Variants in C8orf34 observed in about 807,000 individuals in gnomAD.
The protein encoded by C8orf34 is uncharacterized protein C8orf34.
C8orf34 carries 65 observed loss-of-function variants against 68.3 expected under a neutral mutation model. That is an observed-to-expected ratio of 0.95 (90% confidence interval 0.78 to 1.17). C8orf34 has a LOEUF of 1.17. C8orf34 is among the 50% of genes most tolerant of loss of function. The pLI is 0.00. For missense variants in C8orf34, 664 were observed against 655.4 expected (o/e 1.01, Z -0.14); for synonymous variants, 244 against 241.2 (o/e 1.01, Z -0.11).
At position 68,385,055 on chromosome 8, in the gene C8orf34, T is replaced by C. The variant is rs78885570; in HGVS notation, c.327+53716T>C. The stretch of plus-strand genomic sequence containing the variant: ...AGTCTCTTGGCTCAGTGTGGTTATA[T>C]CCTTGTGAATGTAAACAACTTGAAT... On this transcript the variant is annotated intron_variant, in intron 1 of 13. Transcript: ENST00000518698. 7.6e-3 allele frequency among the ~76,000 whole-genome samples: 1,153 copies of C among 152,310 alleles called. 19 individuals are homozygous for C. Among genetic ancestry groups the C allele is most frequent in the African/African-American group, 0.024 (1,012 of 41,568 alleles).
intron 7 of C8orf34, among the ~76,000 whole-genome samples, chr8:68,613,443 T>TCCC (rs141908753): frequency 1.6e-4 from 21 of 130,226 alleles, no homozygotes; most frequent in Admixed American, 4.9e-4. Flanking sequence ...TCCCTCCCCC[T>TCCC]CCCCCCACAC....
chr8:68,496,362 G>A (rs933946845), intron 5 of C8orf34, among the ~76,000 whole-genome samples: 1 of 152,308 alleles, frequency 6.6e-6, no homozygotes, highest in African/African-American at 2.4e-5. Flanking sequence ...ATAAGAAAAT[G>A]AAAGCCCAGA....
At chr8:68,517,047 A>G (rs1163542928) in intron 5 of C8orf34, among the ~76,000 whole-genome samples, 1 of 152,202 alleles carries the variant, frequency 6.6e-6, no homozygotes, top group Non-Finnish European at 1.5e-5. Flanking sequence ...CTAAAGAATA[A>G]TTAGGATTTT....
chr8:68,604,180 T>C (rs1351150778), intron 7 of C8orf34, among the ~76,000 whole-genome samples: 1 of 151,890 alleles, frequency 6.6e-6, no homozygotes, highest in Non-Finnish European at 1.5e-5. Context: ...GAAGTAAAGA[T>C]AGAGGATATA....
At chr8:68,386,574 T>C (rs771258768) in intron 1 of C8orf34, among the ~76,000 whole-genome samples, 7 of 152,196 alleles carry the variant, frequency 4.6e-5, no homozygotes, top group African/African-American at 7.2e-5. Context: ...TTTTCTTCTA[T>C]AACCTCCTAA....
chr8:68,795,797 C>T (rs1044528057), intron 12 of C8orf34, among the ~76,000 whole-genome samples: 1 of 152,092 alleles, frequency 6.6e-6, no homozygotes, highest in African/African-American at 2.4e-5. Flanking sequence ...TCTCATTTAC[C>T]AGATTTTCTT....
At chr8:68,441,397 G>T (rs1484448812) in intron 2 of C8orf34, among the ~76,000 whole-genome samples, 2 of 152,148 alleles carry the variant, frequency 1.3e-5, no homozygotes, top group Non-Finnish European at 2.9e-5. Context: ...CCTGCCACAT[G>T]TCTCTCACAT....
At chr8:68,718,487 TA>T (rs1357845547) in intron 9 of C8orf34, among the ~76,000 whole-genome samples, 1 of 152,216 alleles carries the variant, frequency 6.6e-6, no homozygotes, top group Non-Finnish European at 1.5e-5. Flanking sequence ...CACATTCAAT[TA>T]TTAGTATACC....
intron 7 of C8orf34, among the ~76,000 whole-genome samples, chr8:68,637,308 A>G (rs1818875319): frequency 1.3e-5 from 2 of 152,136 alleles, no homozygotes; most frequent in Non-Finnish European, 2.9e-5. Flanking sequence ...TGTTTGTATA[A>G]ACAATGAATC....
chr8:68,367,776 C>A (rs1807348314), intron 1 of C8orf34, among the ~76,000 whole-genome samples: 1 of 139,820 alleles, frequency 7.2e-6, no homozygotes. Flanking sequence ...GGATGGATAG[C>A]ATTGGGAGAT....
intron 7 of C8orf34, among the ~76,000 whole-genome samples, chr8:68,550,915 C>A (rs1019747152): frequency 6.7e-6 from 1 of 149,892 alleles, no homozygotes; most frequent in Non-Finnish European, 1.5e-5. Flanking sequence ...TGTTCTGCTT[C>A]CCCCCCTCTG....
chr8:68,676,152 G>A (rs946264475), intron 8 of C8orf34, among the ~76,000 whole-genome samples: 4 of 152,078 alleles, frequency 2.6e-5, no homozygotes, highest in Non-Finnish European at 5.9e-5. Context: ...TGGGCAACAT[G>A]GTGAAACCCC....
intron 12 of C8orf34, among the ~76,000 whole-genome samples, chr8:68,814,804 C>G (rs1010677940): frequency 6.6e-6 from 1 of 152,054 alleles, no homozygotes; most frequent in African/African-American, 2.4e-5. Context: ...CCATTTCATT[C>G]GAGTTGAAGT....
At chr8:68,583,513 A>C (rs1817124210) in intron 7 of C8orf34, among the ~76,000 whole-genome samples, 1 of 152,124 alleles carries the variant, frequency 6.6e-6, no homozygotes, top group Non-Finnish European at 1.5e-5. Flanking sequence ...TAATCTCAAC[A>C]AATTCTTCAG....
intron 1 of C8orf34, among the ~76,000 whole-genome samples, chr8:68,354,688 TAGAG>T: frequency 6.6e-6 from 1 of 152,222 alleles, no homozygotes; most frequent in South Asian, 2.1e-4. Context: ...TCTATTGAGA[TAGAG>T]AGGGCTTACC....
rs28807196 is a variant in C8orf34 at position 68,502,534 on chromosome 8, A to G, written c.765+14483A>G. On this transcript the variant is annotated intron_variant, in intron 5 of 13. Coordinates refer to ENST00000518698, the MANE Select transcript of C8orf34 (RefSeq NM_052958.4). ...TATTTTAAAATCCACATGTTCATAA[A>G]AAAAGCCATCGTTAGTCATTTTTGG... 3.3e-3 allele frequency among the ~76,000 whole-genome samples: 502 copies of G among 152,312 alleles called. 2 individuals are homozygous for G. The highest frequency in any genetic ancestry group is 4.4e-3 in the Non-Finnish European group (300 of 68,026).
intron 11 of C8orf34, among the ~76,000 whole-genome samples, chr8:68,779,341 C>A (rs1823611222): frequency 6.6e-6 from 1 of 152,002 alleles, no homozygotes; most frequent in Non-Finnish European, 1.5e-5. Flanking sequence ...ATTGTCAATT[C>A]AAATGATTGA....
intron 12 of C8orf34, among the ~76,000 whole-genome samples, chr8:68,789,229 T>C (rs1055732253): frequency 1.3e-5 from 2 of 152,212 alleles, no homozygotes; most frequent in African/African-American, 2.4e-5. Flanking sequence ...AAACACAATA[T>C]GGGAAAGTGT....
At chr8:68,542,307 T>G (rs2129949292) in intron 7 of C8orf34, among the ~76,000 whole-genome samples, 1 of 152,340 alleles carries the variant, frequency 6.6e-6, no homozygotes, top group Admixed American at 6.5e-5. Context: ...TCTCTTATCT[T>G]CTCACAATAC....
Sources: allele counts gnomAD v4.1 joint callset (sites outside exome capture counted in the v4.1 genomes callset), GRCh38; gene constraint gnomAD v4.1.1; transcripts MANE v1.5; gene names NCBI Gene and HGNC (gene_info 2026-07-23, HGNC 2026-07-21).